ACACA: variants seen among roughly 807,000 people sequenced by gnomAD.
The protein encoded by ACACA is acetyl-CoA carboxylase alpha.
A neutral mutation model predicts 296.1 loss-of-function variants in ACACA; 103 were observed. The observed-to-expected ratio is 0.35, with a 90% CI of 0.30 to 0.41. The LOEUF (loss-of-function observed/expected upper bound fraction) is 0.41, where lower values mean the gene tolerates loss of function less well. ACACA is among the 10% of genes least tolerant of loss of function. The pLI, the probability that ACACA is intolerant of heterozygous loss-of-function variation, is 1.00. For synonymous variants in ACACA, 953 were observed against 1,038.6 expected, an observed-to-expected ratio of 0.92 and a Z score of 1.58; for missense variants, 1,554 against 2,989.7, an observed-to-expected ratio of 0.52 and a Z score of 11.20.
chr17:37,124,216 T>C (rs2074664398), intron 48 of ACACA, among the ~76,000 whole-genome samples: 1 of 152,216 alleles, frequency 6.6e-6, no homozygotes, highest in Admixed American at 6.5e-5. Context: ...TGAGTATGTG[T>C]ATACGTTTGG....
rs59972801 is a variant in ACACA, at chr17:37,247,374, C to CTTT, written c.2310-401_2310-399dup. Among the ~76,000 whole-genome samples the CTTT allele has an allele frequency of 1.4e-5, 2 of 145,632 alleles. 1 individual carries two copies. Among genetic ancestry groups the CTTT allele is most frequent in the African/African-American group, 5.2e-5 (2 of 38,316 alleles). ...ACTGGTGTTGAACATTTGTGAATTT[C>CTTT]TTTTTTTTTTGATACGGAGTTTTGC... is the stretch of plus-strand genomic sequence containing the variant. On this transcript the variant is annotated intron_variant, in intron 18 of 55. Coordinates refer to ENST00000616317, the MANE Select transcript of ACACA (RefSeq NM_198834.3).
chr17:37,213,088 T>C (rs1257004732), intron 29 of ACACA, among the ~76,000 whole-genome samples: 2 of 151,610 alleles, frequency 1.3e-5, no homozygotes, highest in African/African-American at 2.4e-5. Context: ...GAGACTGAGG[T>C]GGGTGGATCA....
Position 37,210,462 on chromosome 17 carries a change from G to A in ACACA, c.3707+5C>T, listed in dbSNP as rs368345944. Reference sequence around the variant, plus strand: ...TAATTGGAAAAGAAACTAAACATACGGTACCTGTTTAGCGTAGGGATGTTC... The same window carrying A: ...TAATTGGAAAAGAAACTAAACATACAGTACCTGTTTAGCGTAGGGATGTTC... On this transcript the variant is annotated splice_donor_5th_base_variant and intron_variant, in intron 30 of 55. Transcript: ENST00000616317. The A allele has an allele frequency of 3.9e-5, 63 of 1,611,404 alleles. No homozygotes were observed. Among genetic ancestry groups the A allele is most frequent in the African/African-American group, 3.9e-4 (29 of 74,808 alleles).
intron 3 of ACACA, among the ~76,000 whole-genome samples, chr17:37,326,861 G>A (rs2147186480): frequency 6.6e-6 from 1 of 152,006 alleles, no homozygotes; most frequent in Non-Finnish European, 1.5e-5. Context: ...AAAAGAAAGT[G>A]ATTCACCCAG....
At position 37,228,891 on chromosome 17, in the gene ACACA, C is replaced by T. The variant is rs564340130; in HGVS notation, c.3247-2439G>A. On this transcript the variant is annotated intron_variant, in intron 25 of 55. Transcript: ENST00000616317. ...AGGCGCGGTGGCTCACGCCTGTAATCCCAGCACTTTGGGAGGCCGAGGAGG... is the reference window on the plus strand; with the variant it reads ...AGGCGCGGTGGCTCACGCCTGTAATTCCAGCACTTTGGGAGGCCGAGGAGG... 4.6e-5 allele frequency among the ~76,000 whole-genome samples: 7 copies of T among 152,284 alleles called. No individual in the cohort carries two copies. The South Asian group carries it at 1.5e-3, about 32-fold the overall frequency.
At chr17:37,390,324 A>ATCTATC (rs1268420298) in intron 1 of ACACA, among the ~76,000 whole-genome samples, 2 of 66,870 alleles carry the variant, frequency 3.0e-5, no homozygotes, top group Non-Finnish European at 4.9e-5. Flanking sequence ...ATATATATAT[A>ATCTATC]TATATATATA....
In ACACA at chr17:37,086,390, A is replaced by G. The variant is rs1403431555; in HGVS notation, c.*926T>C. The stretch of plus-strand genomic sequence containing the variant: ...AGTCCTCAAAACAAACAGACTATCT[A>G]TCTATCTCACTGGCTCTCCACATGG... On this transcript the variant is annotated 3_prime_UTR_variant, in exon 56 of 56. Coordinates refer to ENST00000616317, the MANE Select transcript of ACACA (RefSeq NM_198834.3). 6.6e-6 allele frequency: 1 copy of G among 152,304 alleles called. No individual in the cohort carries two copies. The highest frequency in any genetic ancestry group is 1.5e-5 in the Non-Finnish European group (1 of 68,090). 9.4% of individuals were successfully genotyped at this position (152,304 alleles called of 1,614,324 possible).
At chr17:37,274,441 T>C in intron 8 of ACACA, 142 bp from the exon 9 acceptor site, 1 of 1,029,332 alleles carries the variant, frequency 9.7e-7, no homozygotes, top group South Asian at 1.4e-5. Context: ...AAAACCCTGA[T>C]CAGTCCTTGG....
chr17:37,104,039 T>C (rs1311236641), intron 52 of ACACA, among the ~76,000 whole-genome samples: 1 of 152,204 alleles, frequency 6.6e-6, no homozygotes, highest in African/African-American at 2.4e-5. Context: ...GTCCAATCTT[T>C]TGGCTTCCTT....
chr17:37,312,346 T>C (rs2084193006), intron 3 of ACACA, among the ~76,000 whole-genome samples: 1 of 152,172 alleles, frequency 6.6e-6, no homozygotes, highest in African/African-American at 2.4e-5. Context: ...ATGGCCTAAT[T>C]GTGGAAGAAT....
At chr17:37,340,599 A>C (rs1171307508) in intron 1 of ACACA, among the ~76,000 whole-genome samples, 2 of 152,250 alleles carry the variant, frequency 1.3e-5, no homozygotes, top group Non-Finnish European at 2.9e-5. Flanking sequence ...ACAAAAGGAA[A>C]GAACCTATTA....
intron 34 of ACACA, 31 bp downstream of exon 34, chr17:37,200,396 T>C (rs763497050): frequency 6.4e-7 from 1 of 1,570,206 alleles, no homozygotes; most frequent in Non-Finnish European, 8.8e-7. Context: ...GCATAAGAAA[T>C]ATTAAAGAGG....
chr17:37,341,785 A>G (rs1687755374), intron 1 of ACACA, among the ~76,000 whole-genome samples: 1 of 152,138 alleles, frequency 6.6e-6, no homozygotes, highest in African/African-American at 2.4e-5. Flanking sequence ...CAGCCAGTTA[A>G]GTACATAAAC....
chr17:37,299,005 G>A (rs917823489), intron 3 of ACACA, among the ~76,000 whole-genome samples: 34 of 152,260 alleles, frequency 2.2e-4, no homozygotes, highest in African/African-American at 7.5e-4. Flanking sequence ...GGAAATAATA[G>A]CACAGCAGGG....
chr17:37,274,994 A>AAG (rs1298948668), intron 8 of ACACA, among the ~76,000 whole-genome samples: 1 of 152,078 alleles, frequency 6.6e-6, no homozygotes, highest in East Asian at 1.9e-4. Flanking sequence ...AAAAAAAAAA[A>AAG]AGGTTCATAT....
chr17:37,239,936 A>G (rs1806242109), intron 24 of ACACA, among the ~76,000 whole-genome samples: 2 of 152,246 alleles, frequency 1.3e-5, no homozygotes, highest in Admixed American at 1.3e-4. Flanking sequence ...AGCAGTAAAC[A>G]GCTTTAAAAT....
rs914617966 is a variant in ACACA at position 37,158,437 on chromosome 17, C to T, written c.5350-2657G>A. ...TTGAGCTCAGGAATTCGAGACCAGCCTGGGCAACGTGGGGAAACCCCATCT... is the reference window on the plus strand; with the variant it reads ...TTGAGCTCAGGAATTCGAGACCAGCTTGGGCAACGTGGGGAAACCCCATCT... On this transcript the variant is annotated intron_variant, in intron 42 of 55. Transcript: ENST00000616317. Among the ~76,000 whole-genome samples, 6 of 152,132 alleles carry T rather than the reference C, an allele frequency of 3.9e-5. No individual in the cohort carries two copies. In the East Asian group the frequency reaches 1.2e-3, roughly 29 times the overall value.
chr17:37,188,533 CT>C, intron 38 of ACACA, 53 bp from the exon 39 acceptor site: 2 of 1,586,808 alleles, frequency 1.3e-6, no homozygotes, highest in South Asian at 1.1e-5. Context: ...TAACTAAGAC[CT>C]GTTTCAGGTC....
chr17:37,277,186 C>T, intron 6 of ACACA, 72 bp from the exon 7 acceptor site: 2 of 1,355,332 alleles, frequency 1.5e-6, no homozygotes, highest in African/African-American at 1.4e-5. Flanking sequence ...GAGTCTCTAT[C>T]CAGGCTGGCC....
Sources: allele counts gnomAD v4.1 joint callset (sites outside exome capture counted in the v4.1 genomes callset), GRCh38; gene constraint gnomAD v4.1.1; transcripts MANE v1.5; gene names NCBI Gene and HGNC (gene_info 2026-07-23, HGNC 2026-07-21).